Variants in ZNF502 observed in about 807,000 individuals in gnomAD.
ZNF502 encodes zinc finger protein 502.
ZNF502 carries 29 observed loss-of-function variants against 43.6 expected under a neutral mutation model. The observed-to-expected ratio is 0.67, with a 90% CI of 0.50 to 0.91. The LOEUF (loss-of-function observed/expected upper bound fraction) is 0.91, where lower values mean the gene tolerates loss of function less well. ZNF502 is among the 40% of genes least tolerant of loss of function. ZNF502 has a pLI of 0.00. For missense variants in ZNF502, 591 were observed against 647.2 expected, an observed-to-expected ratio of 0.91 and a Z score of 0.94; for synonymous variants, 171 against 207.4, an observed-to-expected ratio of 0.82 and a Z score of 1.51.
In ZNF502 at chr3:44,722,234, G is replaced by A. The variant is rs1369867343; in HGVS notation, c.1417G>A (p.Ala473Thr). The change falls in exon 3 of 3, where the codon GCT (alanine) becomes ACT (threonine). Residue 473 changes from alanine to threonine, a missense_variant. By Grantham distance (58) the Ala-to-Thr change is moderately conservative (BLOSUM62 0). Transcript: ENST00000436624. Reference protein sequence around the residue: ...YKCKECGKAFAHSSSLTEHHR... With the variant: ...YKCKECGKAFTHSSSLTEHHR... ...ATGTAAAGAATGTGGGAAAGCCTTT[G>A]CTCATAGCTCATCTCTTACTGAACA... 6.2e-7 allele frequency: 1 copy of A among 1,614,028 alleles called. No individual in the cohort carries two copies. Among genetic ancestry groups the A allele is most frequent in the Non-Finnish European group, 8.5e-7 (1 of 1,180,018 alleles).
At position 44,722,408 on chromosome 3, in the gene ZNF502, A is replaced by G. The variant is rs200346847; in HGVS notation, c.1591A>G (p.Ser531Gly). 12 of 1,613,946 alleles carry G rather than the reference A, an allele frequency of 7.4e-6. No individual in the cohort carries two copies. The highest frequency in any genetic ancestry group is 9.3e-6 in the Non-Finnish European group (11 of 1,179,940). ...TGAGTGTGGAAAGTTCTTCAGACAT[A>G]GTTCAGTCCTTTTCAGACATCAGAA... ...CIECGKFFRHSSVLFRHQKLH... is the reference protein window; with the variant it reads ...CIECGKFFRHGSVLFRHQKLH... The change falls in exon 3 of 3, where the codon AGT (serine) becomes GGT (glycine). Residue 531 changes from serine to glycine, a missense_variant. Physicochemically the swap from Ser to Gly is moderately conservative, Grantham distance 56. Coordinates refer to ENST00000436624, the MANE Select transcript of ZNF502 (RefSeq NM_001134442.3).
chr3:44,714,361 A>G (rs1392535652), intron 1 of ZNF502, among the ~76,000 whole-genome samples: 2 of 152,188 alleles, frequency 1.3e-5, no homozygotes, highest in Admixed American at 6.5e-5. Context: ...GCACCTGTAC[A>G]TTACTTTCTG....
intron 1 of ZNF502, 61 bp from the exon 2 acceptor site, chr3:44,720,142 G>A (rs1024326403): frequency 1.0e-4 from 110 of 1,054,718 alleles, no homozygotes; most frequent in South Asian, 1.5e-4. Flanking sequence ...CTTTGTTTTC[G>A]TTCTGTTTAC....
rs763322507 is a variant in ZNF502, at chr3:44,720,288, G to C, written c.27G>C (p.Glu9Asp). Reference sequence around the variant, plus strand: ...TGTTGAATATGCAAGGAGCTGAAGAGAGAGACATTAGAAGAGAGACTTGTC... The same window carrying C: ...TGTTGAATATGCAAGGAGCTGAAGACAGAGACATTAGAAGAGAGACTTGTC... MLNMQGAE[E>D]RDIRRETCPG... Residue 9 changes from glutamate (E) to aspartate (D), a missense_variant, in exon 2 of 3, where the codon GAG becomes GAC. Coordinates refer to ENST00000436624, the MANE Select transcript of ZNF502 (RefSeq NM_001134442.3). 6.2e-7 allele frequency: 1 copy of C among 1,614,182 alleles called. No homozygotes were observed. The highest frequency in any genetic ancestry group is 8.5e-7 in the Non-Finnish European group (1 of 1,180,016).
At position 44,721,264 on chromosome 3, in the gene ZNF502, CA is replaced by C. The variant is rs1559500642; in HGVS notation, c.448del (p.Thr150HisfsTer59). The C allele has an allele frequency of 6.2e-7, 1 of 1,614,094 alleles. No individual in the cohort carries two copies. The highest frequency in any genetic ancestry group is 8.5e-7 in the Non-Finnish European group (1 of 1,180,002). On this transcript the variant is annotated frameshift_variant, in exon 3 of 3. Coordinates refer to ENST00000436624, the MANE Select transcript of ZNF502 (RefSeq NM_001134442.3). LOFTEE classifies it high-confidence loss of function. ...SDQSKCPTLC[T>X]QKKSWKCNEC... ...ACCAAAGTAAATGTCCAACTCTCTG[CA>C]CACAGAAAAAATCTTGGAAATGTAA...
intron 1 of ZNF502, among the ~76,000 whole-genome samples, chr3:44,717,364 G>A (rs574986560): frequency 1.3e-5 from 2 of 149,976 alleles, no homozygotes; most frequent in Non-Finnish European, 1.5e-5. Flanking sequence ...TTTGAGACAG[G>A]ATCTTGTTTT....
In ZNF502 at chr3:44,721,077, C is replaced by G. The variant is rs763633478; in HGVS notation, c.260C>G (p.Thr87Ser). The G allele has an allele frequency of 6.2e-7, 1 of 1,614,106 alleles. No homozygotes were observed. Among genetic ancestry groups the G allele is most frequent in the Non-Finnish European group, 8.5e-7 (1 of 1,179,998 alleles). ...LFQEGGFGRI[T>S]FIHKEAPPEI... ...CAGGAAGGAGGTTTTGGGAGAATAA[C>G]TTTCATCCACAAAGAAGCACCCCCT... Residue 87 changes from threonine (T) to serine (S), a missense_variant, in exon 3 of 3, where the codon ACT (threonine) becomes AGT (serine). Thr to Ser is a moderately conservative substitution (Grantham distance 58). Coordinates refer to ENST00000436624, the MANE Select transcript of ZNF502 (RefSeq NM_001134442.3).
In ZNF502 at chr3:44,721,136, A is replaced by G. The variant is rs1256485011; in HGVS notation, c.319A>G (p.Ser107Gly). 6.2e-7 allele frequency: 1 copy of G among 1,614,192 alleles called. No homozygotes were observed. The highest frequency in any genetic ancestry group is 1.1e-5 in the South Asian group (1 of 91,080). ...IISQGYNFEKSLLLTSSLVTR... is the reference protein window; with the variant it reads ...IISQGYNFEKGLLLTSSLVTR... ...TAGTCAAGGATATAATTTTGAGAAA[A>G]GCTTGCTTTTGACCTCAAGCCTTGT... Residue 107 changes from serine to glycine, a missense_variant, in exon 3 of 3, where the codon AGC becomes GGC. Ser to Gly is a moderately conservative substitution (Grantham distance 56, BLOSUM62 0). Transcript: ENST00000436624.
chr3:44,721,516 C>T lies in ZNF502; in HGVS notation c.699C>T (p.His233=). The T allele has an allele frequency of 1.2e-6, 2 of 1,607,530 alleles. No homozygotes were observed. Among genetic ancestry groups the T allele is most frequent in the Non-Finnish European group, 1.7e-6 (2 of 1,175,984 alleles). The change falls in exon 3 of 3, where the codon CAC becomes CAT. Residue 233 remains histidine, a synonymous_variant. Coordinates refer to ENST00000436624, the MANE Select transcript of ZNF502 (RefSeq NM_001134442.3). ...RSFLTQHQRI[H]TGEKPYKCNE... ...TTCTTACTCAGCATCAAAGAATTCA[C>T]ACTGGAGAGAAACCTTATAAATGCA...
chr3:44,713,142 G>C (rs1704064441), intron 1 of ZNF502, among the ~76,000 whole-genome samples: 1 of 152,200 alleles, frequency 6.6e-6, no homozygotes, highest in Non-Finnish European at 1.5e-5. Context: ...GTTTTTATAG[G>C]AGACGGCAAA....
rs1398008280 is a variant in ZNF502, at chr3:44,721,094, G to A, written c.277G>A (p.Ala93Thr). The change falls in exon 3 of 3, where the codon GCA (alanine) becomes ACA (threonine). Residue 93 changes from alanine (A) to threonine (T), a missense_variant. Ala to Thr is a moderately conservative substitution (Grantham distance 58). Coordinates refer to ENST00000436624, the MANE Select transcript of ZNF502 (RefSeq NM_001134442.3). The part of the protein sequence containing the change: ...FGRITFIHKE[A>T]PPEIISQGYN... Reference sequence around the variant, plus strand: ...GAGAATAACTTTCATCCACAAAGAAGCACCCCCTGAAATTATTAGTCAAGG... The same window carrying A: ...GAGAATAACTTTCATCCACAAAGAAACACCCCCTGAAATTATTAGTCAAGG... 4 of 1,614,024 alleles carry A rather than the reference G, an allele frequency of 2.5e-6. No homozygotes were observed. The highest frequency in any genetic ancestry group is 3.4e-6 in the Non-Finnish European group (4 of 1,180,020).
intron 1 of ZNF502, among the ~76,000 whole-genome samples, chr3:44,719,570 C>T (rs78042396): frequency 0.011 from 1,657 of 152,186 alleles, 28 homozygotes; most frequent in African/African-American, 0.037. Context: ...TTTTGTAAGT[C>T]AAAACTTATT....
chr3:44,715,617 G>C (rs1704125363), intron 1 of ZNF502, among the ~76,000 whole-genome samples: 2 of 151,864 alleles, frequency 1.3e-5, no homozygotes, highest in African/African-American at 4.8e-5. Context: ...GCAAAATATA[G>C]ATAATAGAGG....
rs1704416530 is a variant in ZNF502, at chr3:44,723,255, C to T, written c.*803C>T. On this transcript the variant is annotated 3_prime_UTR_variant, in exon 3 of 3. Transcript: ENST00000436624. ...TCTATCTCAGAGGAAATATGGTTAC[C>T]CAGGAAAGAAATGGTCTGCTAGAGT... 1 of 152,190 alleles carries T rather than the reference C, an allele frequency of 6.6e-6. No individual in the cohort carries two copies. The allele number at this position is 152,190 out of a possible 1,614,324, so 9.4% of individuals were successfully genotyped here.
At chr3:44,713,515 A>C (rs1364323212) in intron 1 of ZNF502, among the ~76,000 whole-genome samples, 1 of 151,948 alleles carries the variant, frequency 6.6e-6, no homozygotes, top group Non-Finnish European at 1.5e-5. Context: ...TATTTGAAGC[A>C]TTTGTGCTAA....
intron 1 of ZNF502, among the ~76,000 whole-genome samples, chr3:44,712,990 GTGAA>G (rs961495531): frequency 6.6e-6 from 1 of 152,240 alleles, no homozygotes; most frequent in Non-Finnish European, 1.5e-5. Context: ...AAATGGCGGA[GTGAA>G]TGAATGAATG....
chr3:44,722,632 G>C lies in ZNF502; in HGVS notation c.*180G>C. 1 of 716,136 alleles carries C rather than the reference G, an allele frequency of 1.4e-6. No homozygotes were observed. Among genetic ancestry groups the C allele is most frequent in the Middle Eastern group, 4.2e-4 (1 of 2,354 alleles). The allele number at this position is 716,136 out of a possible 1,614,324, so 44.4% of individuals were successfully genotyped here. ...AGGGAATGCAGAGCCTACTTGAGGTGGGCATCTGGGAATACAGGGTAGAAA... is the reference window on the plus strand; with the variant it reads ...AGGGAATGCAGAGCCTACTTGAGGTCGGCATCTGGGAATACAGGGTAGAAA... On this transcript the variant is annotated 3_prime_UTR_variant, in exon 3 of 3. Transcript: ENST00000436624.
At chr3:44,717,733 A>G (rs1340370390) in intron 1 of ZNF502, among the ~76,000 whole-genome samples, 1 of 152,022 alleles carries the variant, frequency 6.6e-6, no homozygotes, top group African/African-American at 2.4e-5. Context: ...TTAATAGCTC[A>G]CTGCAGCCTC....
Position 44,722,650 on chromosome 3 carries a change from G to T in ZNF502, c.*198G>T. 1.6e-6 allele frequency: 1 copy of T among 611,586 alleles called. No homozygotes were observed. The allele number at this position is 611,586 out of a possible 1,614,324, so 37.9% of individuals were successfully genotyped here. A position where few individuals can be genotyped will look rare whatever the true frequency, so the allele number is the denominator to read the frequency against. ...TTGAGGTGGGCATCTGGGAATACAGGGTAGAAAGAAATTCCTGCTTTTCAG... is the reference window on the plus strand; with the variant it reads ...TTGAGGTGGGCATCTGGGAATACAGTGTAGAAAGAAATTCCTGCTTTTCAG... On this transcript the variant is annotated 3_prime_UTR_variant, in exon 3 of 3. Transcript: ENST00000436624.
Sources: gnomAD v4.1 joint callset for allele counts (sites outside exome capture counted in the v4.1 genomes callset) on GRCh38, gnomAD v4.1.1 for gene constraint, MANE v1.5 for transcripts, NCBI Gene and HGNC (gene_info 2026-07-23, HGNC 2026-07-21) for gene names.